Variants in PBX3 observed in about 807,000 individuals in gnomAD.
PBX3 encodes the protein PBX homeobox 3.
A neutral mutation model predicts 48.5 loss-of-function variants in PBX3; 14 were observed. The ratio of observed to expected loss-of-function variants is 0.29; its 90% CI spans 0.19 to 0.45. The LOEUF (loss-of-function observed/expected upper bound fraction) is 0.45, where lower values mean the gene tolerates loss of function less well. Among genes scored for constraint, PBX3 ranks in the 20% least tolerant of loss-of-function variants. The pLI, the probability that PBX3 is intolerant of heterozygous loss-of-function variation, is 1.00. For missense variants in PBX3, 386 were observed against 546.7 expected (o/e 0.71, Z 2.93); for synonymous variants, 210 against 200.3 (o/e 1.05, Z -0.41).
intron 2 of PBX3, among the ~76,000 whole-genome samples, chr9:125,750,471 A>C (rs1217714474): frequency 4.6e-5 from 7 of 152,228 alleles, no homozygotes; most frequent in Non-Finnish European, 7.3e-5. Flanking sequence ...ACTTAGTTAC[A>C]CCATTCTGAA....
chr9:125,809,526 G>T (rs1041089910), intron 2 of PBX3, among the ~76,000 whole-genome samples: 1 of 151,794 alleles, frequency 6.6e-6, no homozygotes, highest in African/African-American at 2.4e-5. Context: ...TACTTCTGAG[G>T]ATAGTCTAAG....
At chr9:125,756,042 A>C (rs753545530) in intron 2 of PBX3, among the ~76,000 whole-genome samples, 8 of 152,094 alleles carry the variant, frequency 5.3e-5, no homozygotes, top group Admixed American at 5.2e-4. Context: ...CTTCACAAGG[A>C]TATTTTCTTC....
intron 2 of PBX3, among the ~76,000 whole-genome samples, chr9:125,777,397 C>T (rs1170615139): frequency 6.6e-6 from 1 of 151,564 alleles, no homozygotes; most frequent in Non-Finnish European, 1.5e-5. Flanking sequence ...ACCCTGTCAC[C>T]CAGGCTGGAG....
chr9:125,790,767 A>G (rs10819069), intron 2 of PBX3, among the ~76,000 whole-genome samples: 3 of 151,644 alleles, frequency 2.0e-5, no homozygotes, highest in Non-Finnish European at 4.4e-5. Context: ...GGGTCTTACT[A>G]TGTTGCCCGG....
chr9:125,860,638 C>T (rs184299533), intron 2 of PBX3, among the ~76,000 whole-genome samples: 1 of 152,234 alleles, frequency 6.6e-6, no homozygotes, highest in Admixed American at 6.5e-5. Flanking sequence ...TGCTTATAAT[C>T]CCAGCACTTT....
intron 6 of PBX3, 114 bp from the exon 7 acceptor site, chr9:125,961,988 A>G (rs930444223): frequency 3.5e-6 from 2 of 571,842 alleles, no homozygotes; most frequent in Non-Finnish European, 6.4e-6. Flanking sequence ...GAAATGCTTT[A>G]TGTTGTGCAC....
At chr9:125,792,092 A>T (rs1029541441) in intron 2 of PBX3, among the ~76,000 whole-genome samples, 2 of 151,914 alleles carry the variant, frequency 1.3e-5, no homozygotes, top group African/African-American at 2.4e-5. Context: ...ATAAATAAAT[A>T]TTGGAGAGTA....
At chr9:125,917,525 A>G (rs542340610) in intron 3 of PBX3, among the ~76,000 whole-genome samples, 1 of 152,204 alleles carries the variant, frequency 6.6e-6, no homozygotes, top group African/African-American at 2.4e-5. Flanking sequence ...CCTCTGTGCT[A>G]TTCATCCCTC....
intron 3 of PBX3, among the ~76,000 whole-genome samples, chr9:125,920,640 A>G (rs899637243): frequency 3.3e-5 from 5 of 152,350 alleles, no homozygotes; most frequent in Admixed American, 2.0e-4. Flanking sequence ...ATTGAAAGCT[A>G]TCTACTATAA....
chr9:125,802,764 C>T (rs763458034), intron 2 of PBX3, among the ~76,000 whole-genome samples: 38 of 151,566 alleles, frequency 2.5e-4, no homozygotes, highest in South Asian at 1.5e-3. Flanking sequence ...GTGCAACCTC[C>T]GCCTCCCGGG....
chr9:125,829,938 C>T (rs570004111), intron 2 of PBX3, among the ~76,000 whole-genome samples: 3 of 152,276 alleles, frequency 2.0e-5, no homozygotes, highest in Admixed American at 2.0e-4. Context: ...TAGTTACCCA[C>T]GCAGCACTCA....
intron 2 of PBX3, among the ~76,000 whole-genome samples, chr9:125,777,603 A>G (rs574116360): frequency 5.9e-5 from 9 of 152,036 alleles, no homozygotes; most frequent in East Asian, 5.8e-4. Flanking sequence ...AGCTCAGGCA[A>G]TCTGCCCGCC....
At chr9:125,929,581 A>T in intron 3 of PBX3, 74 bp from the exon 4 acceptor site, 1 of 1,064,758 alleles carries the variant, frequency 9.4e-7, no homozygotes. Context: ...AATGAGGTGT[A>T]AATTCAGATG....
intron 2 of PBX3, among the ~76,000 whole-genome samples, chr9:125,900,284 TTTTGCA>T (rs1318554306): frequency 1.3e-5 from 2 of 150,686 alleles, no homozygotes; most frequent in Non-Finnish European, 3.0e-5. Flanking sequence ...CATGACCTGG[TTTTGCA>T]TTTTTCTGAT....
intron 2 of PBX3, chr9:125,843,907 G>A: frequency 2.4e-6 from 1 of 418,550 alleles, no homozygotes; most frequent in Non-Finnish European, 4.9e-6. Context: ...ATGTAGTATG[G>A]AGAGATGAGG....
chr9:125,794,219 CT>C (rs1397054683), intron 2 of PBX3, among the ~76,000 whole-genome samples: 3 of 152,270 alleles, frequency 2.0e-5, no homozygotes, highest in African/African-American at 7.2e-5. Context: ...TGGACCCTTG[CT>C]ACTCAAAAGT....
At chr9:125,945,902 G>A (rs1285213241) in intron 5 of PBX3, among the ~76,000 whole-genome samples, 1 of 152,164 alleles carries the variant, frequency 6.6e-6, no homozygotes, top group South Asian at 2.1e-4. Context: ...GTTGCCCAGG[G>A]AACCTGCAGA....
At position 125,967,024 on chromosome 9, in the gene PBX3, C is replaced by T. The variant is rs564756117; in HGVS notation, c.*1101C>T. The T allele has an allele frequency of 4.0e-5, 6 of 150,948 alleles. No homozygotes were observed. Among genetic ancestry groups the T allele is most frequent in the Non-Finnish European group, 7.4e-5 (5 of 67,880 alleles). 9.4% of individuals were successfully genotyped at this position (150,948 alleles called of 1,614,324 possible). A position where few individuals can be genotyped will look rare whatever the true frequency, so the allele number is the denominator to read the frequency against. On this transcript the variant is annotated 3_prime_UTR_variant, in exon 9 of 9. Transcript: ENST00000373489. ...ATTGGGTCTTAATTCAACACAGGAT[C>T]GGTAAAACTGTTGTAAATACTGAGA...
chr9:125,758,254 T>C (rs1460968024), intron 2 of PBX3, among the ~76,000 whole-genome samples: 2 of 152,206 alleles, frequency 1.3e-5, no homozygotes, highest in African/African-American at 4.8e-5. Context: ...TTACTTTCAG[T>C]GTAATCAGTA....
Sources: gnomAD v4.1 joint callset for allele counts (sites outside exome capture counted in the v4.1 genomes callset) on GRCh38, gnomAD v4.1.1 for gene constraint, MANE v1.5 for transcripts, NCBI Gene and HGNC (gene_info 2026-07-23, HGNC 2026-07-21) for gene names.